The following CDK19 variants were observed in gnomAD, a reference collection of about 807,000 sequenced individuals.
CDK19 encodes cyclin-dependent kinase 19.
CDK19 carries 20 observed loss-of-function variants against 68.3 expected under a neutral mutation model. The observed-to-expected ratio is 0.29, with a 90% CI of 0.21 to 0.43. The LOEUF (loss-of-function observed/expected upper bound fraction) is 0.43, where lower values mean the gene tolerates loss of function less well. Among genes scored for constraint, CDK19 ranks in the 20% least tolerant of loss-of-function variants. The pLI, the probability that CDK19 is intolerant of heterozygous loss-of-function variation, is 1.00. For missense variants in CDK19, 339 were observed against 623.5 expected, an observed-to-expected ratio of 0.54 and a Z score of 4.86; for synonymous variants, 221 against 222.8, an observed-to-expected ratio of 0.99 and a Z score of 0.07.
In CDK19 at chr6:110,623,472, G is replaced by T. The variant is rs956191505; in HGVS notation, c.861-110C>A. 6 of 1,425,404 alleles carry T rather than the reference G, an allele frequency of 4.2e-6. No individual in the cohort carries two copies. The African/African-American group carries it at 8.6e-5, about 21-fold the overall frequency. 88.3% of individuals were successfully genotyped at this position (1,425,404 alleles called of 1,614,324 possible). On this transcript the variant is annotated intron_variant, in intron 8 of 12. Coordinates refer to ENST00000368911, the MANE Select transcript of CDK19 (RefSeq NM_015076.5). ...CTATAAGGTATGTGTTTAAGTCATT[G>T]TTTTTTCTGAATAAGAAGAAACACA...
chr6:110,813,102 T>C (rs1218058811), intron 1 of CDK19: 1 of 151,978 alleles, frequency 6.6e-6, no homozygotes, highest in East Asian at 1.9e-4. Flanking sequence ...AAACTAATCT[T>C]ACTCTAGTAA....
At chr6:110,802,860 T>C (rs1782432445) in intron 1 of CDK19, among the ~76,000 whole-genome samples, 1 of 152,176 alleles carries the variant, frequency 6.6e-6, no homozygotes, top group Non-Finnish European at 1.5e-5. Flanking sequence ...AAGGGGGTAG[T>C]ATGATTTCAC....
rs74476912 is a variant in CDK19 at position 110,639,628 on chromosome 6, G to A, written c.457-922C>T. On this transcript the variant is annotated intron_variant, in intron 4 of 12. Coordinates refer to ENST00000368911, the MANE Select transcript of CDK19 (RefSeq NM_015076.5). ...CTATGTATGAGTTATAGAGAAGACT[G>A]AGGTTTTGTGTTCAAGATTAAACTG... Among the ~76,000 whole-genome samples the A allele has an allele frequency of 3.7e-4, 57 of 152,320 alleles. 2 individuals carry two copies. In the East Asian group the frequency reaches 0.011, roughly 28 times the overall value.
chr6:110,767,157 G>GA (rs57344573), intron 1 of CDK19, among the ~76,000 whole-genome samples: 64 of 144,776 alleles, frequency 4.4e-4, no homozygotes, highest in Middle Eastern at 3.6e-3. Context: ...AAATAAATAG[G>GA]AAAAAAAAAA....
intron 1 of CDK19, among the ~76,000 whole-genome samples, chr6:110,755,805 T>C (rs1333989361): frequency 6.6e-6 from 1 of 152,070 alleles, no homozygotes; most frequent in Non-Finnish European, 1.5e-5. Flanking sequence ...AAACAGGTAT[T>C]CTCAGTAAGC....
At chr6:110,728,623 A>T (rs1336521685) in intron 2 of CDK19, among the ~76,000 whole-genome samples, 1 of 151,842 alleles carries the variant, frequency 6.6e-6, no homozygotes, top group Non-Finnish European at 1.5e-5. Context: ...AAAACCCAAG[A>T]TCATTAACAC....
At chr6:110,678,767 T>C (rs1257654329) in intron 2 of CDK19, among the ~76,000 whole-genome samples, 1 of 152,212 alleles carries the variant, frequency 6.6e-6, no homozygotes, top group Non-Finnish European at 1.5e-5. Flanking sequence ...TGATTCTGAT[T>C]CTAGAGAAGC....
At chr6:110,697,568 G>T (rs1168433833) in intron 2 of CDK19, among the ~76,000 whole-genome samples, 1 of 151,878 alleles carries the variant, frequency 6.6e-6, no homozygotes, top group Non-Finnish European at 1.5e-5. Context: ...TCAATATTGT[G>T]TAGATGACCA....
chr6:110,683,732 T>C (rs1444343695), intron 2 of CDK19, among the ~76,000 whole-genome samples: 1 of 146,916 alleles, frequency 6.8e-6, no homozygotes, highest in Admixed American at 6.8e-5. Flanking sequence ...AGACAGAGTC[T>C]CACTCTGTTG....
At chr6:110,751,734 C>G (rs567675145) in intron 1 of CDK19, among the ~76,000 whole-genome samples, 2 of 152,020 alleles carry the variant, frequency 1.3e-5, no homozygotes, top group South Asian at 4.2e-4. Flanking sequence ...CCTTATGAGT[C>G]AAATTCAAAT....
chr6:110,706,779 T>G (rs2114669288), intron 2 of CDK19: 1 of 184,544 alleles, frequency 5.4e-6, no homozygotes, highest in African/African-American at 2.4e-5. Flanking sequence ...CACTCCTGTT[T>G]GAAATTTTTG....
chr6:110,748,953 A>C (rs1037008236), intron 1 of CDK19, among the ~76,000 whole-genome samples: 1 of 152,252 alleles, frequency 6.6e-6, no homozygotes, highest in Non-Finnish European at 1.5e-5. Context: ...TCCAGCTTTT[A>C]GAGGCAGCTT....
chr6:110,624,674 C>G (rs560803213), intron 8 of CDK19, among the ~76,000 whole-genome samples: 1 of 152,136 alleles, frequency 6.6e-6, no homozygotes, highest in Admixed American at 6.5e-5. Flanking sequence ...TAAACATTTT[C>G]TTTTGTCAAA....
intron 1 of CDK19, among the ~76,000 whole-genome samples, chr6:110,764,320 A>G (rs1390172454): frequency 6.6e-6 from 1 of 152,204 alleles, no homozygotes; most frequent in East Asian, 1.9e-4. Flanking sequence ...GGAGAAGAAC[A>G]AAGTTGGAAG....
intron 2 of CDK19, among the ~76,000 whole-genome samples, chr6:110,685,866 T>G (rs931732462): frequency 2.6e-5 from 4 of 152,154 alleles, no homozygotes; most frequent in Non-Finnish European, 5.9e-5. Context: ...TAAGATCAAG[T>G]TAAGGACAAG....
chr6:110,746,447 G>A (rs1386617518), intron 1 of CDK19, among the ~76,000 whole-genome samples: 1 of 152,000 alleles, frequency 6.6e-6, no homozygotes, highest in Admixed American at 6.6e-5. Flanking sequence ...AAACAGAACA[G>A]GATACTAAAC....
At chr6:110,648,959 C>T (rs937693957) in intron 4 of CDK19, among the ~76,000 whole-genome samples, 73 of 151,766 alleles carry the variant, frequency 4.8e-4, no homozygotes, top group Admixed American at 3.1e-3. Flanking sequence ...CCTCGTGATC[C>T]GCTCGGCCTC....
chr6:110,649,429 A>G (rs1351294391), intron 4 of CDK19, among the ~76,000 whole-genome samples: 3 of 152,190 alleles, frequency 2.0e-5, no homozygotes, highest in Non-Finnish European at 4.4e-5. Context: ...AAAAATATAG[A>G]ACATCTTTTT....
intron 2 of CDK19, among the ~76,000 whole-genome samples, chr6:110,745,124 C>T (rs540490108): frequency 6.6e-6 from 1 of 152,202 alleles, no homozygotes; most frequent in South Asian, 2.1e-4. Flanking sequence ...TACTGAAGAA[C>T]TAAAATAAGG....
Sources: gnomAD v4.1 joint callset for allele counts (sites outside exome capture counted in the v4.1 genomes callset) on GRCh38, gnomAD v4.1.1 for gene constraint, MANE v1.5 for transcripts, NCBI Gene and HGNC (gene_info 2026-07-23, HGNC 2026-07-21) for gene names.